The following NSD3 variants were observed in gnomAD, a reference collection of about 807,000 sequenced individuals.
The protein encoded by NSD3 is nuclear receptor binding SET domain protein 3.
A neutral mutation model predicts 160.8 loss-of-function variants in NSD3; 24 were observed. The ratio of observed to expected loss-of-function variants is 0.15; its 90% CI spans 0.11 to 0.21. The LOEUF (loss-of-function observed/expected upper bound fraction) is 0.21, where lower values mean the gene tolerates loss of function less well. Among genes scored for constraint, NSD3 ranks in the 10% least tolerant of loss-of-function variants. The pLI is 1.00. For synonymous variants in NSD3, 520 were observed against 600.0 expected, an observed-to-expected ratio of 0.87 and a Z score of 1.95; for missense variants, 1,157 against 1,735.9, an observed-to-expected ratio of 0.67 and a Z score of 5.93.
chr8:38,372,768 T>C (rs1331580714), intron 1 of NSD3, among the ~76,000 whole-genome samples: 4 of 150,352 alleles, frequency 2.7e-5, no homozygotes, highest in Non-Finnish European at 5.9e-5. Flanking sequence ...AGTGCTGGGA[T>C]TACAGGCATG....
chr8:38,278,465 G>GCT, intron 21 of NSD3, 53 bp from the exon 22 acceptor site: 1 of 1,453,924 alleles, frequency 6.9e-7, no homozygotes, highest in Non-Finnish European at 9.4e-7. Flanking sequence ...GAAGAGAAAA[G>GCT]CTCTCACAGG....
chr8:38,281,324 A>G, intron 20 of NSD3, 143 bp downstream of exon 20: 1 of 398,340 alleles, frequency 2.5e-6, no homozygotes, highest in Non-Finnish European at 4.4e-6. Context: ...GGCACATTAT[A>G]GTAGGCAGCA....
Position 38,290,765 on chromosome 8 carries a change from T to C in NSD3, c.2916-88A>G, listed in dbSNP as rs942815656. 3.7e-5 allele frequency: 50 copies of C among 1,358,514 alleles called. No individual in the cohort carries two copies. The African/African-American group carries it at 4.8e-4, about 13-fold the overall frequency. The allele number at this position is 1,358,514 out of a possible 1,614,324, so 84.2% of individuals were successfully genotyped here. A position where few individuals can be genotyped will look rare whatever the true frequency, so the allele number is the denominator to read the frequency against. Reference sequence around the variant, plus strand: ...AGATTGGCAGAAGGGAAAAAAGTTTTTGTATTTTGCAATTTTCATTCAGAT... The same window carrying C: ...AGATTGGCAGAAGGGAAAAAAGTTTCTGTATTTTGCAATTTTCATTCAGAT... On this transcript the variant is annotated intron_variant, in intron 16 of 23. Coordinates refer to ENST00000317025, the MANE Select transcript of NSD3 (RefSeq NM_023034.2).
chr8:38,278,700 C>G (rs1327489603), intron 21 of NSD3, among the ~76,000 whole-genome samples: 1 of 152,244 alleles, frequency 6.6e-6, no homozygotes, highest in Non-Finnish European at 1.5e-5. Flanking sequence ...GCAATCTATG[C>G]TCAGGAGACT....
At chr8:38,372,569 T>C (rs1040104262) in intron 1 of NSD3, among the ~76,000 whole-genome samples, 3 of 150,182 alleles carry the variant, frequency 2.0e-5, no homozygotes, top group African/African-American at 7.4e-5. Context: ...TAATCTCGGC[T>C]CATTGCAACC....
chr8:38,372,432 T>C (rs1385175745), intron 1 of NSD3, among the ~76,000 whole-genome samples: 1 of 151,882 alleles, frequency 6.6e-6, no homozygotes, highest in African/African-American at 2.4e-5. Flanking sequence ...GCAATAACAA[T>C]TAAAAACTGG....
chr8:38,294,084 GT>G (rs1399847399), intron 16 of NSD3, among the ~76,000 whole-genome samples: 1 of 151,726 alleles, frequency 6.6e-6, no homozygotes. Context: ...GTTTAATTGT[GT>G]TTTTTTGTTG....
chr8:38,321,199 A>G lies in NSD3; in HGVS notation c.1709-27T>C. ...TAAGAAATGATTTAAACACACAAAC[A>G]AAAACTCACTTAAGGATACCTTGAC... On this transcript the variant is annotated intron_variant, in intron 7 of 23. Transcript: ENST00000317025. This position sits in a 1 kb window ranked among gnomAD's most constrained non-coding sequence, Gnocchi z 4.7. The G allele has an allele frequency of 6.3e-7, 1 of 1,589,050 alleles. No homozygotes were observed. Among genetic ancestry groups the G allele is most frequent in the Non-Finnish European group, 8.6e-7 (1 of 1,164,914 alleles).
intron 7 of NSD3, among the ~76,000 whole-genome samples, chr8:38,324,581 T>C (rs1021875765): frequency 6.6e-5 from 10 of 152,276 alleles, no homozygotes; most frequent in Admixed American, 1.3e-4. Flanking sequence ...CACTGTGATA[T>C]TGTGATATGA....
intron 4 of NSD3, among the ~76,000 whole-genome samples, chr8:38,332,557 T>C (rs1459736031): frequency 6.6e-6 from 1 of 152,190 alleles, no homozygotes; most frequent in Non-Finnish European, 1.5e-5. Context: ...TGAGAACTGC[T>C]GATTAAGGGC....
At chr8:38,337,621 G>A in intron 3 of NSD3, 154 bp from the exon 4 acceptor site, 5 of 535,894 alleles carry the variant, frequency 9.3e-6, no homozygotes, top group South Asian at 7.5e-5. Flanking sequence ...AAAGAAACTA[G>A]GTATAAAGTA....
rs1808495311 is a variant in NSD3 at position 38,272,068 on chromosome 8, G to C, written c.*3573C>G. The C allele has an allele frequency of 6.6e-6, 1 of 152,214 alleles. No homozygotes were observed. Among genetic ancestry groups the C allele is most frequent in the African/African-American group, 2.4e-5 (1 of 41,452 alleles). 9.4% of individuals were successfully genotyped at this position (152,214 alleles called of 1,614,324 possible). On this transcript the variant is annotated 3_prime_UTR_variant, in exon 24 of 24. Transcript: ENST00000317025. ...TTCCACTTCATGAACCAGGAAAGTT[G>C]TCCAATAGCCTGTCCCATCTGAGGG...
intron 1 of NSD3, among the ~76,000 whole-genome samples, chr8:38,376,268 A>ATGC (rs1811384521): frequency 6.6e-6 from 1 of 152,180 alleles, no homozygotes; most frequent in Non-Finnish European, 1.5e-5. Context: ...TTTTGCATGT[A>ATGC]AAAATATTTT....
chr8:38,367,679 T>C (rs1811136898), intron 1 of NSD3, among the ~76,000 whole-genome samples: 1 of 152,024 alleles, frequency 6.6e-6, no homozygotes, highest in Non-Finnish European at 1.5e-5. Flanking sequence ...GCCACTGCAC[T>C]CCAGCCTGGG....
At chr8:38,277,656 G>C (rs1253365507) in intron 22 of NSD3, among the ~76,000 whole-genome samples, 2 of 152,180 alleles carry the variant, frequency 1.3e-5, no homozygotes, top group Non-Finnish European at 2.9e-5. Flanking sequence ...TTTTCATTGA[G>C]ATATAATTCA....
At chr8:38,360,483 C>T (rs1315594942) in intron 1 of NSD3, among the ~76,000 whole-genome samples, 1 of 151,996 alleles carries the variant, frequency 6.6e-6, no homozygotes, top group African/African-American at 2.4e-5. Context: ...AGGTTTACTA[C>T]CATTCTGGTT....
At chr8:38,282,569 G>A (rs1054849990) in intron 19 of NSD3, among the ~76,000 whole-genome samples, 1 of 152,218 alleles carries the variant, frequency 6.6e-6, no homozygotes, top group Non-Finnish European at 1.5e-5. Flanking sequence ...TACTCAGGAG[G>A]CTGAGGCTGG....
At position 38,275,849 on chromosome 8, in the gene NSD3, T is replaced by G. The variant is rs1470282735; in HGVS notation, c.4106A>C (p.Glu1369Ala). The change falls in exon 24 of 24, where the codon GAG becomes GCG. Residue 1369 changes from glutamate (E) to alanine (A), a missense_variant. Physicochemically the swap from Glu to Ala is moderately radical, Grantham distance 107. Coordinates refer to ENST00000317025, the MANE Select transcript of NSD3 (RefSeq NM_023034.2). ...KWECPWHQCD[E>A]CSSAAVSFCE... ...GAAGGAAACAGCTGCACTGCTGCAC[T>G]CATCGCACTGATGCCACGGACACTC... 3.1e-6 allele frequency: 5 copies of G among 1,614,092 alleles called. No homozygotes were observed. The highest frequency in any genetic ancestry group is 4.2e-6 in the Non-Finnish European group (5 of 1,179,992).
At chr8:38,338,297 C>T (rs1274719789) in intron 3 of NSD3, among the ~76,000 whole-genome samples, 1 of 136,420 alleles carries the variant, frequency 7.3e-6, no homozygotes, top group Non-Finnish European at 1.6e-5. Flanking sequence ...GAGACTCCGT[C>T]TCAAAAAGAA....
Sources: allele counts gnomAD v4.1 joint callset (sites outside exome capture counted in the v4.1 genomes callset), GRCh38; gene constraint gnomAD v4.1.1; non-coding constraint Gnocchi (gnomAD v3.1); transcripts MANE v1.5; gene names NCBI Gene and HGNC (gene_info 2026-07-23, HGNC 2026-07-21).